CDC25C: variants seen among roughly 807,000 people sequenced by gnomAD.
CDC25C encodes cell division cycle 25C, also known as M-phase inducer phosphatase 3.
In CDC25C, 48 loss-of-function variants were observed where a neutral mutation model predicts 52.5. The ratio of observed to expected loss-of-function variants is 0.91; its 90% CI spans 0.72 to 1.16. The LOEUF (loss-of-function observed/expected upper bound fraction) is 1.16, where lower values mean the gene tolerates loss of function less well. CDC25C is among the 50% of genes most tolerant of loss of function. The probability of loss-of-function intolerance (pLI) is 0.00; values close to 1 mark genes in which losing one functional copy is unlikely to be tolerated. For missense variants in CDC25C, 510 were observed against 566.1 expected, an observed-to-expected ratio of 0.90 and a Z score of 1.01; for synonymous variants, 187 against 206.5, an observed-to-expected ratio of 0.91 and a Z score of 0.81.
intron 11 of CDC25C, 50 bp downstream of exon 11, chr5:138,287,119 A>G: frequency 4.8e-6 from 6 of 1,250,444 alleles, no homozygotes; most frequent in South Asian, 3.6e-5. Context: ...TCTTCTCAAT[A>G]AAGAGTTATC....
intron 6 of CDC25C, among the ~76,000 whole-genome samples, chr5:138,320,198 G>A (rs1759247253): frequency 1.3e-5 from 2 of 152,196 alleles, no homozygotes; most frequent in South Asian, 4.1e-4. Flanking sequence ...CCAGCTACTT[G>A]GGAGGCTGAG....
rs747714572 is a variant in CDC25C, at chr5:138,325,951, G to A, written c.370-47C>T. 4 of 1,610,174 alleles carry A rather than the reference G, an allele frequency of 2.5e-6. No individual in the cohort carries two copies. The African/African-American group carries it at 4.0e-5, about 16-fold the overall frequency. ...GAACGTCCAGCATCCTCAAGCCACA[G>A]GTGCAATGGAAACCCTCTGCCTCCC... is the stretch of plus-strand genomic sequence containing the variant. On this transcript the variant is annotated intron_variant, in intron 5 of 13. Coordinates refer to ENST00000323760, the MANE Select transcript of CDC25C (RefSeq NM_001790.5).
chr5:138,305,748 C>T (rs1757958944), intron 7 of CDC25C, among the ~76,000 whole-genome samples: 1 of 152,300 alleles, frequency 6.6e-6, no homozygotes, highest in East Asian at 1.9e-4. Flanking sequence ...TACAATTTGG[C>T]TGCCTAACAT....
chr5:138,310,578 G>A (rs558444159), intron 7 of CDC25C, among the ~76,000 whole-genome samples: 28 of 152,274 alleles, frequency 1.8e-4, no homozygotes, highest in African/African-American at 6.3e-4. Flanking sequence ...TAATAGTTAA[G>A]TACTATTAAT....
At chr5:138,335,227 A>AGAGGGGCT (rs1760625581), upstream of CDC25C, 1 of 152,354 alleles carries the variant, frequency 6.6e-6, no homozygotes, top group Admixed American at 6.5e-5. Context: ...TCTGCAGGGC[A>AGAGGGGCT]GAGGGGCTGA....
chr5:138,332,430 G>A (rs766301301), upstream of CDC25C, among the ~76,000 whole-genome samples: 3 of 152,160 alleles, frequency 2.0e-5, no homozygotes, highest in Non-Finnish European at 4.4e-5. Context: ...GCATCTCAGA[G>A]ACTCTAGCTC....
rs533589635 is a variant in CDC25C, at chr5:138,287,195, A to G, written c.1000T>C (p.Tyr334His). ...TGGATGTGTCCTCCCAGATACTCAT[A>G]TGGATAGCGACAATCAATGACATAA... ...KFYVIDCRYP[Y>H]EYLGGHIQGA... is the part of the protein sequence containing the mutation. The change falls in exon 11 of 14, where the codon TAT (tyrosine) becomes CAT (histidine). Residue 334 changes from tyrosine (Y) to histidine (H), a missense_variant. By Grantham distance (83) the Tyr-to-His change is moderately conservative (BLOSUM62 2). Coordinates refer to ENST00000323760, the MANE Select transcript of CDC25C (RefSeq NM_001790.5). 6.8e-6 allele frequency: 11 copies of G among 1,613,876 alleles called. No homozygotes were observed. In the African/African-American group the frequency reaches 9.3e-5, roughly 14 times the overall value.
chr5:138,286,992 A>C (rs545616910), intron 11 of CDC25C, among the ~76,000 whole-genome samples, 177 bp downstream of exon 11: 12 of 152,266 alleles, frequency 7.9e-5, no homozygotes, highest in African/African-American at 2.9e-4. Context: ...AGGGAAAGGG[A>C]AAGTAACCTG....
chr5:138,302,723 A>C (rs1757724951), intron 7 of CDC25C, among the ~76,000 whole-genome samples: 2 of 151,248 alleles, frequency 1.3e-5, no homozygotes, highest in Non-Finnish European at 2.9e-5. Flanking sequence ...AATTCATCAT[A>C]TTAACAGATT....
chr5:138,310,465 G>A lies in CDC25C; in HGVS notation c.615+8754C>T, dbSNP rs76280502. Among the ~76,000 whole-genome samples the A allele has an allele frequency of 5.0e-4, 76 of 152,240 alleles. 1 individual carries two copies. The East Asian group carries it at 0.014, about 29-fold the overall frequency. ...AGATTACTTCAATGTTTACTTTGCG[G>A]AGGACATCAAGGCCATTGAGCATCC... is the stretch of plus-strand genomic sequence containing the variant. On this transcript the variant is annotated intron_variant, in intron 7 of 13. Transcript: ENST00000323760.
chr5:138,310,782 A>T (rs1489015766), intron 7 of CDC25C, among the ~76,000 whole-genome samples: 4 of 152,222 alleles, frequency 2.6e-5, no homozygotes, highest in African/African-American at 9.6e-5. Flanking sequence ...ACTGACTCAC[A>T]TGCTCTTAAC....
chr5:138,325,927 A>G (rs756109336), intron 5 of CDC25C, 23 bp from the exon 6 acceptor site: 1 of 1,611,692 alleles, frequency 6.2e-7, no homozygotes, highest in Non-Finnish European at 8.5e-7. Context: ...GTTTGCTGAG[A>G]ACGTCCAGCA....
chr5:138,291,045 A>T (rs1756665232), intron 8 of CDC25C, among the ~76,000 whole-genome samples: 1 of 152,084 alleles, frequency 6.6e-6, no homozygotes, highest in Admixed American at 6.6e-5. Context: ...ACAGAGTGAG[A>T]CCCCATCTCA....
chr5:138,331,317 G>T, intron 1 of CDC25C, 99 bp from the exon 2 acceptor site: 1 of 848,512 alleles, frequency 1.2e-6, no homozygotes, highest in Non-Finnish European at 1.8e-6. Flanking sequence ...ACTGGAAGAG[G>T]GGCAACCCCG....
Position 138,326,984 on chromosome 5 carries a change from C to T in CDC25C, c.336-930G>A, listed in dbSNP as rs572669557. On this transcript the variant is annotated intron_variant, in intron 4 of 13. Coordinates refer to ENST00000323760, the MANE Select transcript of CDC25C (RefSeq NM_001790.5). ...AAAAAAAAAAAAAAAAGGCTGGGCGCGGGGGCTCACGCTTGTAATTCCAGC... is the reference window on the plus strand; with the variant it reads ...AAAAAAAAAAAAAAAAGGCTGGGCGTGGGGGCTCACGCTTGTAATTCCAGC... Among the ~76,000 whole-genome samples the T allele has an allele frequency of 9.6e-5, 14 of 146,562 alleles. No individual in the cohort carries two copies. In the East Asian group the frequency reaches 2.4e-3, roughly 26 times the overall value.
At chr5:138,321,384 A>C (rs1408588602) in intron 6 of CDC25C, among the ~76,000 whole-genome samples, 1 of 152,136 alleles carries the variant, frequency 6.6e-6, no homozygotes, top group African/African-American at 2.4e-5. Flanking sequence ...AAAAAATCAC[A>C]TATAAGACTA....
Position 138,285,471 on chromosome 5 carries a change from C to A in CDC25C, c.*221G>T, listed in dbSNP as rs576213316. On this transcript the variant is annotated 3_prime_UTR_variant, in exon 14 of 14. Coordinates refer to ENST00000323760, the MANE Select transcript of CDC25C (RefSeq NM_001790.5). ...TGAACCAATACAAATCTCTATGCAA[C>A]TCAAGGCTGCCTTATAGAGCCAGCT... 1.5e-4 allele frequency: 85 copies of A among 562,470 alleles called. No homozygotes were observed. The South Asian group carries it at 1.8e-3, about 12-fold the overall frequency. 34.8% of individuals were successfully genotyped at this position (562,470 alleles called of 1,614,324 possible).
At chr5:138,308,910 A>G (rs980162666) in intron 7 of CDC25C, among the ~76,000 whole-genome samples, 17 of 152,050 alleles carry the variant, frequency 1.1e-4, no homozygotes, top group African/African-American at 3.1e-4. Flanking sequence ...TCATGACCCA[A>G]TGGGCTCCCC....
chr5:138,313,793 A>G (rs1199021668), intron 7 of CDC25C, among the ~76,000 whole-genome samples: 1 of 152,012 alleles, frequency 6.6e-6, no homozygotes, highest in East Asian at 1.9e-4. Context: ...CTCATTTAGT[A>G]TTTCCATCTA....
Sources: gnomAD v4.1 joint callset for allele counts (sites outside exome capture counted in the v4.1 genomes callset) on GRCh38, gnomAD v4.1.1 for gene constraint, MANE v1.5 for transcripts, NCBI Gene and HGNC (gene_info 2026-07-23, HGNC 2026-07-21) for gene names.